The following THUMPD1 variants were observed in gnomAD, a reference collection of about 807,000 sequenced individuals.
THUMPD1 encodes THUMP domain 1 NAT10 acetyltransferase adaptor, also known as THUMP domain-containing protein 1.
In THUMPD1, 31 loss-of-function variants were observed where a neutral mutation model predicts 31.6. The observed-to-expected ratio is 0.98, with a 90% confidence interval of 0.74 to 1.32. The LOEUF is 1.32. Ranked by LOEUF, THUMPD1 falls within the 40% of genes most tolerant of loss-of-function variation. The probability of loss-of-function intolerance (pLI) is 0.00; values close to 1 mark genes in which losing one functional copy is unlikely to be tolerated. For missense variants in THUMPD1, 446 were observed against 427.8 expected (o/e 1.04, Z -0.38); for synonymous variants, 166 against 158.2 (o/e 1.05, Z -0.37).
chr16:20,734,363 A>C lies in THUMPD1; in HGVS notation c.*2517T>G, dbSNP rs1567328166. The C allele has an allele frequency of 6.6e-6, 1 of 152,630 alleles. No individual in the cohort carries two copies. The highest frequency in any genetic ancestry group is 1.5e-5 in the Non-Finnish European group (1 of 68,030). 9.5% of individuals were successfully genotyped at this position (152,630 alleles called of 1,614,324 possible). On this transcript the variant is annotated 3_prime_UTR_variant, in exon 4 of 4. Transcript: ENST00000396083. ...AACTGATATTAATAATCCTCTTATC[A>C]ATCATTGCAAGGTAACTTCAATGTC...
At chr16:20,740,472 G>A (rs1410736802) in intron 1 of THUMPD1, among the ~76,000 whole-genome samples, 3 of 152,190 alleles carry the variant, frequency 2.0e-5, no homozygotes, top group African/African-American at 7.2e-5. Context: ...GCCCCCTAGT[G>A]CCCAACGAAA....
Position 20,736,378 on chromosome 16 carries a change from T to TAAA in THUMPD1, c.*499_*501dup, listed in dbSNP as rs33947944. On this transcript the variant is annotated 3_prime_UTR_variant, in exon 4 of 4. Transcript: ENST00000396083. Reference sequence around the variant, plus strand: ...TGTCAGCTATATTACACACAAATGTTAAAAAAAAAAAAAAAAAACAGACAT... The same window carrying TAAA: ...TGTCAGCTATATTACACACAAATGTTAAAAAAAAAAAAAAAAAAAAACAGACAT... 3.3e-3 allele frequency: 426 copies of TAAA among 129,182 alleles called. 4 individuals are homozygous for TAAA. The highest frequency in any genetic ancestry group is 7.9e-3 in the Middle Eastern group (2 of 252). The allele number at this position is 129,182 out of a possible 1,614,324, so 8.0% of individuals were successfully genotyped here. A position where few individuals can be genotyped will look rare whatever the true frequency, so the allele number is the denominator to read the frequency against.
In THUMPD1 at chr16:20,734,201, CCA is replaced by C. The variant is rs1399851583; in HGVS notation, c.*2677_*2678del. The C allele has an allele frequency of 2.0e-5, 3 of 152,612 alleles. No individual in the cohort carries two copies. Among genetic ancestry groups the C allele is most frequent in the African/African-American group, 7.2e-5 (3 of 41,448 alleles). The allele number at this position is 152,612 out of a possible 1,614,324, so 9.5% of individuals were successfully genotyped here. A position where few individuals can be genotyped will look rare whatever the true frequency, so the allele number is the denominator to read the frequency against. ...TTCACAAAGTAAAAACAATTTAGTT[CCA>C]CAGAGTTGTATGCTCTGTAGGCATA... On this transcript the variant is annotated 3_prime_UTR_variant, in exon 4 of 4. Transcript: ENST00000396083.
chr16:20,740,914 A>T (rs3785080), intron 1 of THUMPD1, among the ~76,000 whole-genome samples: 1 of 152,010 alleles, frequency 6.6e-6, no homozygotes, highest in Non-Finnish European at 1.5e-5. Flanking sequence ...GCTGTCATGA[A>T]AAATGTGTTT....
chr16:20,736,189 T>C lies in THUMPD1; in HGVS notation c.*691A>G, dbSNP rs1159230175. The stretch of plus-strand genomic sequence containing the variant: ...TACCCTTGAGAAGTAGCTTTCTTTA[T>C]TAAGACAGAATTTCTTTGTGTCCCT... On this transcript the variant is annotated 3_prime_UTR_variant, in exon 4 of 4. Transcript: ENST00000396083. 1.3e-5 allele frequency: 2 copies of C among 152,162 alleles called. No homozygotes were observed. The highest frequency in any genetic ancestry group is 2.9e-5 in the Non-Finnish European group (2 of 68,026). The allele number at this position is 152,162 out of a possible 1,614,324, so 9.4% of individuals were successfully genotyped here.
intron 3 of THUMPD1, 47 bp from the exon 4 acceptor site, chr16:20,737,333 ATC>A (rs761605450): frequency 3.9e-6 from 6 of 1,529,112 alleles, no homozygotes; most frequent in Non-Finnish European, 4.4e-6. Flanking sequence ...ATACCATTAC[ATC>A]TGATAGATAC....
chr16:20,741,667 C>G lies in THUMPD1; in HGVS notation c.73G>C (p.Ala25Pro). 6.3e-7 allele frequency: 1 copy of G among 1,583,866 alleles called. No homozygotes were observed. The highest frequency in any genetic ancestry group is 1.2e-5 in the South Asian group (1 of 86,800). Residue 25 changes from alanine (A) to proline (P), a missense_variant, in exon 1 of 4, where the codon GCC becomes CCC. Coordinates refer to ENST00000396083, the MANE Select transcript of THUMPD1 (RefSeq NM_017736.5). ...GCGTCGCAGCGCCGAGCGCGCTTGG[C>G]CAGCACATACTGAGCCTTGCCTTTG... ...KRKGKAQYVLAKRARRCDAGG... is the reference protein window; with the variant it reads ...KRKGKAQYVLPKRARRCDAGG...
chr16:20,741,719 C>G lies in THUMPD1; in HGVS notation c.21G>C (p.Gln7His), dbSNP rs773578232. Residue 7 changes from glutamine to histidine, a missense_variant, in exon 1 of 4, where the codon CAG becomes CAC. Coordinates refer to ENST00000396083, the MANE Select transcript of THUMPD1 (RefSeq NM_017736.5). MAAPAQ[Q>H]TTQPGGGKRK... is the part of the protein sequence containing the mutation. The stretch of plus-strand genomic sequence containing the variant: ...GCTTCCCGCCGCCAGGCTGAGTAGT[C>G]TGCTGGGCAGGGGCCGCCATGGTGT... 3.8e-6 allele frequency: 6 copies of G among 1,575,820 alleles called. No homozygotes were observed. The highest frequency in any genetic ancestry group is 5.2e-6 in the Non-Finnish European group (6 of 1,160,442).
Position 20,741,568 on chromosome 16 carries a change from C to T in THUMPD1, c.172G>A (p.Val58Met). 3.2e-6 allele frequency: 5 copies of T among 1,581,702 alleles called. No homozygotes were observed. The highest frequency in any genetic ancestry group is 3.4e-6 in the Non-Finnish European group (4 of 1,164,382). ...ITCNMNERKCVEEAYSLLNEY... is the reference protein window; with the variant it reads ...ITCNMNERKCMEEAYSLLNEY... Reference sequence around the variant, plus strand: ...TTGAGGAGGCTGTAGGCCTCCTCCACGCACTTGCGCTCGTTCATATTGCAG... The same window carrying T: ...TTGAGGAGGCTGTAGGCCTCCTCCATGCACTTGCGCTCGTTCATATTGCAG... The change falls in exon 1 of 4, where the codon GTG becomes ATG. Residue 58 changes from valine to methionine, a missense_variant. Coordinates refer to ENST00000396083, the MANE Select transcript of THUMPD1 (RefSeq NM_017736.5).
intron 1 of THUMPD1, 28 bp downstream of exon 1, chr16:20,741,481 G>GGGGGGGGCCCCCCCCCCCCC: frequency 7.6e-7 from 1 of 1,308,414 alleles, no homozygotes; most frequent in Non-Finnish European, 9.9e-7. Context: ...CTGGCAGCCG[G>GGGGGGGGCCCCCCCCCCCCC]CCCGCCCGCC....
At chr16:20,737,326 C>T (rs765138496) in intron 3 of THUMPD1, 40 bp from the exon 4 acceptor site, 5 of 1,548,738 alleles carry the variant, frequency 3.2e-6, no homozygotes, top group East Asian at 2.2e-5. Context: ...GAGGAGGATA[C>T]CATTACATCT....
At position 20,741,512 on chromosome 16, in the gene THUMPD1, T is replaced by C. The variant is rs760946471; in HGVS notation, c.228A>G (p.Glu76=). 13 of 716,034 alleles carry C rather than the reference T, an allele frequency of 1.8e-5. No homozygotes were observed. Among genetic ancestry groups the C allele is most frequent in the South Asian group, 1.2e-4 (8 of 65,346 alleles). The allele number at this position is 716,034 out of a possible 1,614,324, so 44.4% of individuals were successfully genotyped here. A position where few individuals can be genotyped will look rare whatever the true frequency, so the allele number is the denominator to read the frequency against. The change falls in exon 1 of 4, where the codon GAA becomes GAG. Residue 76 remains glutamate, a synonymous_variant. Coordinates refer to ENST00000396083, the MANE Select transcript of THUMPD1 (RefSeq NM_017736.5). The stretch of plus-strand genomic sequence containing the variant: ...CCGCCCACCCCGGGACCGGTACCTT[T>C]TCTGGCCCATACATGTCGTCGCCGT... ...NEYGDDMYGP[E]KFTDKDQQPS... is the part of the protein sequence containing the mutation.
chr16:20,739,618 C>T (rs1172369561), intron 1 of THUMPD1, among the ~76,000 whole-genome samples: 2 of 151,880 alleles, frequency 1.3e-5, no homozygotes, highest in African/African-American at 2.4e-5. Context: ...GTCAGAAGTT[C>T]GAGACCAGCC....
intron 1 of THUMPD1, among the ~76,000 whole-genome samples, chr16:20,739,377 T>C (rs1052698998): frequency 2.0e-5 from 3 of 152,006 alleles, no homozygotes; most frequent in Non-Finnish European, 2.9e-5. Context: ...GGTTTCGCCA[T>C]GTTGGTCAGG....
chr16:20,740,579 T>A (rs1360676231), intron 1 of THUMPD1, among the ~76,000 whole-genome samples: 1 of 152,240 alleles, frequency 6.6e-6, no homozygotes, highest in African/African-American at 2.4e-5. Flanking sequence ...CTAGCCAGTC[T>A]TAAAGTATTC....
rs984015698 is a variant in THUMPD1 at position 20,734,459 on chromosome 16, A to C, written c.*2421T>G. On this transcript the variant is annotated 3_prime_UTR_variant, in exon 4 of 4. Coordinates refer to ENST00000396083, the MANE Select transcript of THUMPD1 (RefSeq NM_017736.5). The stretch of plus-strand genomic sequence containing the variant: ...CCTGCCTATTCTCTTTGCCCCTCTC[A>C]AATCATTCTAGTCTGGTTTACCAAA... 2.4e-4 allele frequency: 37 copies of C among 152,576 alleles called. No individual in the cohort carries two copies. The highest frequency in any genetic ancestry group is 8.9e-4 in the African/African-American group (37 of 41,562). 9.5% of individuals were successfully genotyped at this position (152,576 alleles called of 1,614,324 possible).
Position 20,737,915 on chromosome 16 carries a change from T to G in THUMPD1, c.448A>C (p.Lys150Gln). The change falls in exon 3 of 4, where the codon AAA becomes CAA. Residue 150 changes from lysine to glutamine, a missense_variant. By Grantham distance (53) the Lys-to-Gln change is moderately conservative. Transcript: ENST00000396083. ...ACTCGAGTCTTCTTTTTCTTGGTTT[T>G]GTACATATCCTGGAGAATATGATGC... ...LVHHILQDMY[K>Q]TKKKKTRVIL... The G allele has an allele frequency of 6.2e-7, 1 of 1,613,706 alleles. No homozygotes were observed. Among genetic ancestry groups the G allele is most frequent in the Non-Finnish European group, 8.5e-7 (1 of 1,179,854 alleles).
chr16:20,737,304 A>T lies in THUMPD1; in HGVS notation c.656-18T>A. Reference sequence around the variant, plus strand: ...CACTATTCCTGTAACAAAAACAGAAAAACACATAGCTGAGGAGGATACCAT... The same window carrying T: ...CACTATTCCTGTAACAAAAACAGAATAACACATAGCTGAGGAGGATACCAT... On this transcript the variant is annotated intron_variant, in intron 3 of 3. Transcript: ENST00000396083. 1 of 1,592,060 alleles carries T rather than the reference A, an allele frequency of 6.3e-7. No individual in the cohort carries two copies. The highest frequency in any genetic ancestry group is 1.1e-5 in the South Asian group (1 of 87,950).
intron 1 of THUMPD1, 28 bp downstream of exon 1, chr16:20,741,481 G>GGGGGGGGGGGGGGCCCCCCCCCCCCCC: frequency 7.6e-7 from 1 of 1,308,414 alleles, no homozygotes; most frequent in Non-Finnish European, 9.9e-7. Context: ...CTGGCAGCCG[G>GGGGGGGGGGGGGGCCCCCCCCCCCCCC]CCCGCCCGCC....
Sources: gnomAD v4.1 joint callset for allele counts (sites outside exome capture counted in the v4.1 genomes callset) on GRCh38, gnomAD v4.1.1 for gene constraint, MANE v1.5 for transcripts, NCBI Gene and HGNC (gene_info 2026-07-23, HGNC 2026-07-21) for gene names.